Variants in FHIT observed in about 807,000 individuals in gnomAD.
FHIT encodes the protein fragile histidine triad diadenosine triphosphatase.
Under a neutral mutation model 17.9 loss-of-function variants are expected in FHIT, and 19 were observed. The observed-to-expected ratio is 1.06, with a 90% CI of 0.74 to 1.56. The LOEUF (loss-of-function observed/expected upper bound fraction) is 1.56, where lower values mean the gene tolerates loss of function less well. Among genes scored for constraint, FHIT ranks in the 40% most tolerant of loss-of-function variants. The probability of loss-of-function intolerance (pLI) is 0.00; values close to 1 mark genes in which losing one functional copy is unlikely to be tolerated. For missense variants in FHIT, 248 were observed against 189.2 expected (o/e 1.31, Z -1.82); for synonymous variants, 81 against 69.7 (o/e 1.16, Z -0.81).
Position 59,986,118 on chromosome 3 carries a change from T to C in FHIT, c.279+25253A>G, listed in dbSNP as rs144249812. On this transcript the variant is annotated intron_variant, in intron 7 of 9. Coordinates refer to ENST00000492590, the MANE Select transcript of FHIT (RefSeq NM_002012.4). ...GGCAAAAAGAAAAAAGCACTATCAA[T>C]AGCGGTTCACACTTTATGGCTGCTC... Among the ~76,000 whole-genome samples the C allele has an allele frequency of 1.8e-4, 27 of 152,140 alleles. No homozygotes were observed. The East Asian group carries it at 4.9e-3, about 27-fold the overall frequency.
intron 5 of FHIT, among the ~76,000 whole-genome samples, chr3:60,175,437 A>G (rs1330880091): frequency 6.6e-6 from 1 of 152,222 alleles, no homozygotes; most frequent in Non-Finnish European, 1.5e-5. Flanking sequence ...ATAATTATAT[A>G]TGCTAACTCT....
intron 5 of FHIT, among the ~76,000 whole-genome samples, chr3:60,060,297 C>A (rs7625054): frequency 0.032 from 4,854 of 152,176 alleles, 240 homozygotes; most frequent in African/African-American, 0.11. Context: ...CTAGCTATCT[C>A]AAAACCAAAT....
intron 2 of FHIT, 51 bp downstream of exon 2, chr3:61,200,565 AT>A (rs1274943200): frequency 6.6e-6 from 1 of 152,652 alleles, no homozygotes; most frequent in East Asian, 1.9e-4. Context: ...TAAAAGAAAA[AT>A]CAATGTTGTA....
At chr3:60,566,140 G>T (rs2037124872) in intron 4 of FHIT, among the ~76,000 whole-genome samples, 1 of 152,010 alleles carries the variant, frequency 6.6e-6, no homozygotes, top group Non-Finnish European at 1.5e-5. Context: ...TTTAATTTCT[G>T]TTCTTTTACA....
chr3:59,951,278 A>T (rs1707103029), intron 7 of FHIT, among the ~76,000 whole-genome samples: 1 of 150,450 alleles, frequency 6.6e-6, no homozygotes, highest in African/African-American at 2.5e-5. Flanking sequence ...ATAACACAGA[A>T]ATGGAAGTTG....
At chr3:60,955,476 T>C (rs1421050063) in intron 3 of FHIT, among the ~76,000 whole-genome samples, 1 of 151,852 alleles carries the variant, frequency 6.6e-6, no homozygotes, top group Non-Finnish European at 1.5e-5. Flanking sequence ...GTTCTATGTA[T>C]GCCATGATGG....
chr3:60,619,295 G>A (rs2039045820), intron 4 of FHIT, among the ~76,000 whole-genome samples: 2 of 152,054 alleles, frequency 1.3e-5, no homozygotes, highest in Non-Finnish European at 2.9e-5. Flanking sequence ...GTAAATAAAG[G>A]AATATTTTTG....
intron 4 of FHIT, among the ~76,000 whole-genome samples, chr3:60,626,785 CTT>C (rs60098225): frequency 6.7e-5 from 9 of 133,968 alleles, no homozygotes; most frequent in Non-Finnish European, 1.1e-4. Context: ...GGAAAACACT[CTT>C]TTTTTTTTTT....
intron 4 of FHIT, among the ~76,000 whole-genome samples, chr3:60,586,357 AG>A (rs2037907168): frequency 6.6e-6 from 1 of 152,056 alleles, no homozygotes; most frequent in Non-Finnish European, 1.5e-5. Context: ...TATCCAGCAA[AG>A]TTTAAAGTTA....
At chr3:60,958,914 A>C (rs1709290199) in intron 3 of FHIT, among the ~76,000 whole-genome samples, 1 of 152,232 alleles carries the variant, frequency 6.6e-6, no homozygotes, top group Non-Finnish European at 1.5e-5. Flanking sequence ...AATTATAATC[A>C]ATGTAGTAAG....
At chr3:60,734,490 C>A (rs2042095806) in intron 4 of FHIT, among the ~76,000 whole-genome samples, 1 of 152,168 alleles carries the variant, frequency 6.6e-6, no homozygotes, top group South Asian at 2.1e-4. Flanking sequence ...GCAACCTTTG[C>A]CACCCAGGCT....
At chr3:59,827,431 G>T (rs1411544126) in intron 8 of FHIT, among the ~76,000 whole-genome samples, 3 of 152,198 alleles carry the variant, frequency 2.0e-5, no homozygotes, top group African/African-American at 7.2e-5. Context: ...TGTGGTATAG[G>T]GCACCAGAAG....
chr3:60,612,156 G>C (rs1434286972), intron 4 of FHIT, among the ~76,000 whole-genome samples: 1 of 152,132 alleles, frequency 6.6e-6, no homozygotes, highest in South Asian at 2.1e-4. Context: ...ATGGCCTTTA[G>C]TGAAGTGGTC....
At chr3:60,884,638 C>G (rs1179339664) in intron 3 of FHIT, among the ~76,000 whole-genome samples, 1 of 151,964 alleles carries the variant, frequency 6.6e-6, no homozygotes, top group African/African-American at 2.4e-5. Context: ...ATAAGCCCAA[C>G]ACAGACAAAT....
chr3:61,011,708 C>T (rs975731992), intron 3 of FHIT, among the ~76,000 whole-genome samples: 1 of 152,102 alleles, frequency 6.6e-6, no homozygotes, highest in Non-Finnish European at 1.5e-5. Flanking sequence ...TTAAAGATCT[C>T]GCCTTTTCAT....
At chr3:60,780,145 C>G in intron 4 of FHIT, among the ~76,000 whole-genome samples, 1 of 152,206 alleles carries the variant, frequency 6.6e-6, no homozygotes, top group East Asian at 1.9e-4. Context: ...TCCCCTCTTT[C>G]TAGATGGGTA....
chr3:60,850,203 A>G (rs535390946), intron 3 of FHIT, among the ~76,000 whole-genome samples: 9 of 151,414 alleles, frequency 5.9e-5, no homozygotes, highest in African/African-American at 1.2e-4. Context: ...TGACTATCCA[A>G]TCTAAAGTAC....
chr3:61,145,892 T>A (rs2037212897), intron 2 of FHIT, among the ~76,000 whole-genome samples: 1 of 152,054 alleles, frequency 6.6e-6, no homozygotes, highest in Non-Finnish European at 1.5e-5. Context: ...CGTTTAGTAG[T>A]TCCAATAGTT....
At chr3:60,529,778 C>G (rs544877052) in intron 5 of FHIT, among the ~76,000 whole-genome samples, 1 of 152,244 alleles carries the variant, frequency 6.6e-6, no homozygotes, top group African/African-American at 2.4e-5. Context: ...TTACAGGATA[C>G]CCATGATAGC....
Sources: allele counts gnomAD v4.1 joint callset (sites outside exome capture counted in the v4.1 genomes callset), GRCh38; gene constraint gnomAD v4.1.1; transcripts MANE v1.5; gene names NCBI Gene and HGNC (gene_info 2026-07-23, HGNC 2026-07-21).